The following GSTCD variants were observed in gnomAD, a reference collection of about 807,000 sequenced individuals.
GSTCD encodes the protein glutathione S-transferase C-terminal domain containing, also known as glutathione S-transferase C-terminal domain-containing protein.
GSTCD carries 44 observed loss-of-function variants against 68.3 expected under a neutral mutation model. The observed-to-expected ratio is 0.64, with a 90% CI of 0.51 to 0.83. GSTCD has a LOEUF of 0.83. Among genes scored for constraint, GSTCD ranks in the 40% least tolerant of loss-of-function variants. GSTCD has a pLI of 0.00. For missense variants in GSTCD, 739 were observed against 735.9 expected, an observed-to-expected ratio of 1.00 and a Z score of -0.05; for synonymous variants, 273 against 255.2, an observed-to-expected ratio of 1.07 and a Z score of -0.67.
At chr4:105,743,497 G>A (rs1044750570) in intron 5 of GSTCD, among the ~76,000 whole-genome samples, 12 of 151,738 alleles carry the variant, frequency 7.9e-5, no homozygotes, top group Non-Finnish European at 1.8e-4. Context: ...AGATTTCAAA[G>A]GCTGAAATAA....
intron 3 of GSTCD, among the ~76,000 whole-genome samples, chr4:105,720,564 A>G (rs888197717): frequency 6.6e-6 from 1 of 152,188 alleles, no homozygotes; most frequent in Non-Finnish European, 1.5e-5. Flanking sequence ...ATTGAACCAA[A>G]TTTGGCAACC....
At position 105,726,797 on chromosome 4, in the gene GSTCD, A is replaced by G; in HGVS notation, c.1113A>G (p.Ile371Met). Residue 371 changes from isoleucine (I) to methionine (M), a missense_variant, in exon 4 of 12, where the codon ATA (isoleucine) becomes ATG (methionine). Transcript: ENST00000515279. ...GVEEQSDPLF[I>M]GGPRPTMAKL... ...AAGAGCAAAGCGATCCTTTATTTAT[A>G]GGAGGACCAAGACCAACCATGGCCA... 1.2e-6 allele frequency: 2 copies of G among 1,613,294 alleles called. No homozygotes were observed. The highest frequency in any genetic ancestry group is 1.1e-5 in the South Asian group (1 of 90,944).
chr4:105,766,854 T>A (rs1426584043), intron 5 of GSTCD, among the ~76,000 whole-genome samples: 1 of 150,462 alleles, frequency 6.6e-6, no homozygotes, highest in Non-Finnish European at 1.5e-5. Flanking sequence ...GAAGATGGAT[T>A]AGTGTCCCAA....
intron 9 of GSTCD, among the ~76,000 whole-genome samples, chr4:105,836,319 T>C (rs1724117112): frequency 6.6e-6 from 1 of 152,166 alleles, no homozygotes; most frequent in Non-Finnish European, 1.5e-5. Flanking sequence ...GTGCATGCGA[T>C]TGGTCCATGG....
intron 5 of GSTCD, among the ~76,000 whole-genome samples, chr4:105,819,892 C>A (rs1470330705): frequency 2.0e-5 from 3 of 150,144 alleles, no homozygotes; most frequent in Non-Finnish European, 4.5e-5. Flanking sequence ...AAAAAAAAAA[C>A]ACACAGAATA....
At chr4:105,796,514 CT>C (rs1276978637) in intron 5 of GSTCD, among the ~76,000 whole-genome samples, 2 of 152,148 alleles carry the variant, frequency 1.3e-5, no homozygotes, top group Non-Finnish European at 2.9e-5. Flanking sequence ...GCATTCATAT[CT>C]TTTGGTAGCC....
intron 5 of GSTCD, among the ~76,000 whole-genome samples, chr4:105,731,548 G>A (rs1272975290): frequency 3.9e-5 from 6 of 152,344 alleles, no homozygotes; most frequent in African/African-American, 1.4e-4. Flanking sequence ...TGGTGTATAA[G>A]AATGCTTGTG....
rs534972205 is a variant in GSTCD at position 105,742,034 on chromosome 4, G to T, written c.1240+12535G>T. ...TCAGGAGAAATCTCTAATACAATCT[G>T]TATTAAGATTTTATTGGTACTTGGT... On this transcript the variant is annotated intron_variant, in intron 5 of 11. Coordinates refer to ENST00000515279, the MANE Select transcript of GSTCD (RefSeq NM_001370181.1). 5.9e-5 allele frequency among the ~76,000 whole-genome samples: 9 copies of T among 152,260 alleles called. No homozygotes were observed. The South Asian group carries it at 1.9e-3, about 32-fold the overall frequency.
At position 105,739,268 on chromosome 4, in the gene GSTCD, C is replaced by T. The variant is rs184615856; in HGVS notation, c.1240+9769C>T. On this transcript the variant is annotated intron_variant, in intron 5 of 11. Coordinates refer to ENST00000515279, the MANE Select transcript of GSTCD (RefSeq NM_001370181.1). ...TTTTGTTGAGGATTTTTGCATCACTCTTTATCAGGGATATTGGCCTATAGT... is the reference window on the plus strand; with the variant it reads ...TTTTGTTGAGGATTTTTGCATCACTTTTTATCAGGGATATTGGCCTATAGT... Among the ~76,000 whole-genome samples, 82 of 152,174 alleles carry T rather than the reference C, an allele frequency of 5.4e-4. No individual in the cohort carries two copies. The East Asian group carries it at 0.013, about 24-fold the overall frequency.
intron 5 of GSTCD, among the ~76,000 whole-genome samples, chr4:105,807,708 G>A (rs991766630): frequency 2.0e-5 from 3 of 152,078 alleles, no homozygotes; most frequent in African/African-American, 4.8e-5. Flanking sequence ...GTATACCACA[G>A]CAGGGAGCAC....
chr4:105,732,406 T>C (rs1733280366), intron 5 of GSTCD, among the ~76,000 whole-genome samples: 1 of 152,240 alleles, frequency 6.6e-6, no homozygotes, highest in Admixed American at 6.5e-5. Context: ...AACATCTTCC[T>C]GGTTTAATCT....
At chr4:105,773,269 A>G (rs1481954321) in intron 5 of GSTCD, among the ~76,000 whole-genome samples, 4 of 151,952 alleles carry the variant, frequency 2.6e-5, no homozygotes, top group Non-Finnish European at 4.4e-5. Context: ...TAGTCTGGCT[A>G]GCTGTCTATC....
Position 105,757,934 on chromosome 4 carries a change from C to T in GSTCD, c.1240+28435C>T, listed in dbSNP as rs564538305. On this transcript the variant is annotated intron_variant, in intron 5 of 11. Coordinates refer to ENST00000515279, the MANE Select transcript of GSTCD (RefSeq NM_001370181.1). ...AAAATATGTTGTAGCTTTACAAATG[C>T]TTTTACTAGGCCTTTAGACATGTTC... 2.2e-4 allele frequency among the ~76,000 whole-genome samples: 33 copies of T among 152,244 alleles called. 1 individual carries two copies. The highest frequency in any genetic ancestry group is 7.2e-4 in the African/African-American group (30 of 41,554).
chr4:105,765,949 T>A (rs1734590413), intron 5 of GSTCD, among the ~76,000 whole-genome samples: 2 of 152,182 alleles, frequency 1.3e-5, no homozygotes, highest in African/African-American at 4.8e-5. Context: ...TTAAACCTCT[T>A]TACTTTATAA....
chr4:105,735,208 T>C (rs1243484984), intron 5 of GSTCD, among the ~76,000 whole-genome samples: 3 of 152,170 alleles, frequency 2.0e-5, no homozygotes, highest in Non-Finnish European at 4.4e-5. Flanking sequence ...TCTTCAAAGC[T>C]GTACAGGGAC....
At chr4:105,817,603 A>G (rs72673832) in intron 5 of GSTCD, among the ~76,000 whole-genome samples, 6,758 of 151,886 alleles carry the variant, frequency 0.044, 204 homozygotes, top group Middle Eastern at 0.13. Context: ...AAAATGTAAA[A>G]TTAAAATAAC....
Position 105,763,193 on chromosome 4 carries a change from A to G in GSTCD, c.1240+33694A>G, listed in dbSNP as rs146409508. Among the ~76,000 whole-genome samples, 6 of 152,280 alleles carry G rather than the reference A, an allele frequency of 3.9e-5. No homozygotes were observed. The East Asian group carries it at 1.2e-3, about 29-fold the overall frequency. On this transcript the variant is annotated intron_variant, in intron 5 of 11. Coordinates refer to ENST00000515279, the MANE Select transcript of GSTCD (RefSeq NM_001370181.1). Reference sequence around the variant, plus strand: ...CCTCCTAGAAATTTGTCTGTTATGAACCCCTTTATTATTTCATATTTCCAC... The same window carrying G: ...CCTCCTAGAAATTTGTCTGTTATGAGCCCCTTTATTATTTCATATTTCCAC...
chr4:105,763,376 T>G (rs1560817181), intron 5 of GSTCD, among the ~76,000 whole-genome samples: 1 of 152,184 alleles, frequency 6.6e-6, no homozygotes, highest in Non-Finnish European at 1.5e-5. Context: ...TGGAAAACAT[T>G]ATCTTAATAT....
At chr4:105,786,304 A>G (rs2149252425) in intron 5 of GSTCD, among the ~76,000 whole-genome samples, 1 of 152,188 alleles carries the variant, frequency 6.6e-6, no homozygotes, top group Non-Finnish European at 1.5e-5. Context: ...TGAGGACAGG[A>G]GTTCGAGACA....
Sources: allele counts gnomAD v4.1 joint callset (sites outside exome capture counted in the v4.1 genomes callset), GRCh38; gene constraint gnomAD v4.1.1; transcripts MANE v1.5; gene names NCBI Gene and HGNC (gene_info 2026-07-23, HGNC 2026-07-21).